Variants in TMC5 observed in about 807,000 individuals in gnomAD.
TMC5 encodes transmembrane channel-like protein 5.
Under a neutral mutation model 110.5 loss-of-function variants are expected in TMC5, and 86 were observed. The ratio of observed to expected loss-of-function variants is 0.78; its 90% CI spans 0.65 to 0.93. TMC5 has a LOEUF of 0.93. TMC5 is among the 40% of genes least tolerant of loss of function. The pLI is 0.00. For synonymous variants in TMC5, 455 were observed against 439.5 expected (o/e 1.04, Z -0.44); for missense variants, 1,144 against 1,222.8 (o/e 0.94, Z 0.96).
In TMC5 at chr16:19,418,043, A is replaced by G. The variant is rs542553465; in HGVS notation, c.-357A>G. 6.6e-6 allele frequency: 1 copy of G among 152,308 alleles called. No homozygotes were observed. The highest frequency in any genetic ancestry group is 2.4e-5 in the African/African-American group (1 of 41,562). 9.4% of individuals were successfully genotyped at this position (152,308 alleles called of 1,614,324 possible). On this transcript the variant is annotated 5_prime_UTR_variant, in exon 1 of 22. Transcript: ENST00000542583. ...TTGCCTGTCCCTCTAGCTTTGAACT[A>G]CAAAGTGGAGGGGAAGTTTGTCTGG...
chr16:19,426,834 C>A (rs1044866914), intron 1 of TMC5, among the ~76,000 whole-genome samples: 1 of 152,200 alleles, frequency 6.6e-6, no homozygotes, highest in Non-Finnish European at 1.5e-5. Flanking sequence ...CTGCTCCTCG[C>A]TGGCTGATCT....
intron 5 of TMC5, among the ~76,000 whole-genome samples, chr16:19,455,404 G>C (rs1967842382): frequency 6.6e-6 from 1 of 152,028 alleles, no homozygotes; most frequent in African/African-American, 2.4e-5. Flanking sequence ...CTGGGCAACA[G>C]AGAGAGACTC....
chr16:19,490,649 A>G, intron 18 of TMC5, 81 bp downstream of exon 18: 1 of 1,414,892 alleles, frequency 7.1e-7, no homozygotes, highest in Non-Finnish European at 9.9e-7. Flanking sequence ...TTGGTTGGAA[A>G]GCAAATGGCT....
At position 19,469,789 on chromosome 16, in the gene TMC5, G is replaced by T. The variant is rs148100639; in HGVS notation, c.1746G>T (p.Val582=). 6.8e-5 allele frequency: 109 copies of T among 1,614,168 alleles called. No homozygotes were observed. The African/African-American group carries it at 1.3e-3, about 19-fold the overall frequency. ...WDFTVTHEKA[V]KLKQKNLSTE... ...TCACTGTCACTCATGAAAAAGCTGTGAAGCTAAAACAGAAGAATCTTAGCA... is the reference window on the plus strand; with the variant it reads ...TCACTGTCACTCATGAAAAAGCTGTTAAGCTAAAACAGAAGAATCTTAGCA... Residue 582 remains valine (V), a synonymous_variant, in exon 10 of 22, where the codon GTG becomes GTT. Transcript: ENST00000542583.
At chr16:19,451,854 A>G (rs1285089492) in intron 5 of TMC5, among the ~76,000 whole-genome samples, 6 of 152,160 alleles carry the variant, frequency 3.9e-5, no homozygotes, top group Admixed American at 3.9e-4. Flanking sequence ...GCTGGAGTGC[A>G]GTGGCACCAT....
chr16:19,414,281 T>G (rs1325866370), upstream of TMC5, among the ~76,000 whole-genome samples: 1 of 152,230 alleles, frequency 6.6e-6, no homozygotes, highest in Non-Finnish European at 1.5e-5. Context: ...GAGCTCCCAG[T>G]GACCTTGGAA....
intron 5 of TMC5, among the ~76,000 whole-genome samples, chr16:19,453,014 T>C (rs1026355238): frequency 1.3e-5 from 2 of 148,604 alleles, no homozygotes; most frequent in African/African-American, 4.9e-5. Context: ...ATATATATTA[T>C]ATATATATAT....
intron 20 of TMC5, among the ~76,000 whole-genome samples, chr16:19,494,600 A>G (rs993465983): frequency 6.6e-6 from 1 of 152,164 alleles, no homozygotes; most frequent in African/African-American, 2.4e-5. Context: ...AGAGGTCAGG[A>G]GTTTGAGACC....
In TMC5 at chr16:19,443,950, T is replaced by C. The variant is rs1302169628; in HGVS notation, c.789-131T>C. On this transcript the variant is annotated intron_variant, in intron 3 of 21. Coordinates refer to ENST00000542583, the MANE Select transcript of TMC5 (RefSeq NM_001261841.2). ...ATGGATACATGGATGGATGGATGGA[T>C]GGATGGATAAATGGATGGATAAATA... 6 of 890,748 alleles carry C rather than the reference T, an allele frequency of 6.7e-6. 1 individual carries two copies. The highest frequency in any genetic ancestry group is 1.0e-5 in the Non-Finnish European group (6 of 577,986). The allele number at this position is 890,748 out of a possible 1,614,324, so 55.2% of individuals were successfully genotyped here.
At chr16:19,475,135 C>A (rs963919853) in intron 12 of TMC5, among the ~76,000 whole-genome samples, 6 of 152,108 alleles carry the variant, frequency 3.9e-5, no homozygotes, top group Admixed American at 3.3e-4. Context: ...AAGTACAGGT[C>A]TGTAGGCCGG....
intron 10 of TMC5, among the ~76,000 whole-genome samples, chr16:19,470,779 A>G (rs1395581286): frequency 6.8e-6 from 1 of 146,654 alleles, no homozygotes; most frequent in Non-Finnish European, 1.5e-5. Flanking sequence ...CATGCCTCTA[A>G]TCCCAGCAAT....
intron 12 of TMC5, among the ~76,000 whole-genome samples, chr16:19,475,463 GTTTC>G (rs1299617187): frequency 6.6e-6 from 1 of 151,256 alleles, no homozygotes; most frequent in Non-Finnish European, 1.5e-5. Flanking sequence ...TGCAGACTGA[GTTTC>G]TTTGCTGATC....
At chr16:19,461,768 CA>C (rs1968029283) in intron 6 of TMC5, among the ~76,000 whole-genome samples, 1 of 151,696 alleles carries the variant, frequency 6.6e-6, no homozygotes, top group Admixed American at 6.6e-5. Context: ...GATGCAACAA[CA>C]ATTACTAGTA....
intron 1 of TMC5, among the ~76,000 whole-genome samples, chr16:19,418,474 C>T (rs1162476557): frequency 6.6e-6 from 1 of 152,040 alleles, no homozygotes; most frequent in African/African-American, 2.4e-5. Flanking sequence ...ATACGGTGCA[C>T]GACAAACACG....
chr16:19,477,560 C>T, intron 13 of TMC5, 42 bp downstream of exon 13: 1 of 1,407,928 alleles, frequency 7.1e-7, no homozygotes, highest in Non-Finnish European at 9.8e-7. Flanking sequence ...GGTTTCTTAG[C>T]ATTTGACCAA....
chr16:19,414,387 T>C (rs74013757), upstream of TMC5, among the ~76,000 whole-genome samples: 2 of 152,146 alleles, frequency 1.3e-5, no homozygotes, highest in Non-Finnish European at 2.9e-5. Flanking sequence ...AAAAATATTT[T>C]CATAGAAGGT....
intron 1 of TMC5, chr16:19,411,812 G>A (rs930206762): frequency 6.6e-6 from 1 of 152,154 alleles, no homozygotes; most frequent in African/African-American, 2.4e-5. Flanking sequence ...AATGAATAAG[G>A]GGCATGTGTT....
intron 19 of TMC5, chr16:19,492,462 T>A (rs1968932321): frequency 8.9e-6 from 3 of 336,374 alleles, no homozygotes; most frequent in Non-Finnish European, 1.6e-5. Context: ...ATTATTATTT[T>A]GAGATAGAGT....
chr16:19,475,837 T>C (rs8053201), intron 12 of TMC5, among the ~76,000 whole-genome samples: 50,395 of 143,842 alleles, frequency 0.35, 13,043 homozygotes, highest in African/African-American at 0.73. Flanking sequence ...TGGAGTCTCA[T>C]TCTGTCGCCC....
Sources: allele counts gnomAD v4.1 joint callset (sites outside exome capture counted in the v4.1 genomes callset), GRCh38; gene constraint gnomAD v4.1.1; transcripts MANE v1.5; gene names NCBI Gene and HGNC (gene_info 2026-07-23, HGNC 2026-07-21).